KCNH5: variants seen among roughly 807,000 people sequenced by gnomAD.
The protein encoded by KCNH5 is potassium voltage-gated channel subfamily H member 5, also known as voltage-gated delayed rectifier potassium channel KCNH5.
KCNH5 carries 46 observed loss-of-function variants against 96.1 expected under a neutral mutation model. The ratio of observed to expected loss-of-function variants is 0.48; its 90% CI spans 0.38 to 0.61. KCNH5 has a LOEUF of 0.61. Among genes scored for constraint, KCNH5 ranks in the 20% least tolerant of loss-of-function variants. The pLI is 0.00. For synonymous variants in KCNH5, 439 were observed against 449.8 expected (o/e 0.98, Z 0.30); for missense variants, 907 against 1,225.8 (o/e 0.74, Z 3.88).
rs369966397 is a variant in KCNH5, at chr14:63,003,282, T to A, written c.305-1823A>T. On this transcript the variant is annotated intron_variant, in intron 3 of 10. Transcript: ENST00000322893. ...TATCTGCCAAGTATGTGGTGATAGA[T>A]CCTTCATATTCTGGATTTGGGGTTC... Among the ~76,000 whole-genome samples, 100 of 150,426 alleles carry A rather than the reference T, an allele frequency of 6.6e-4. 1 individual carries two copies. In the South Asian group the frequency reaches 0.02, roughly 31 times the overall value.
At chr14:62,851,261 G>A (rs1356958018) in intron 7 of KCNH5, among the ~76,000 whole-genome samples, 2 of 151,986 alleles carry the variant, frequency 1.3e-5, no homozygotes, top group African/African-American at 4.8e-5. Flanking sequence ...TTTCCCAAGT[G>A]AGTCTTTATA....
chr14:62,998,719 G>C (rs1278582940), intron 4 of KCNH5, among the ~76,000 whole-genome samples: 4 of 151,964 alleles, frequency 2.6e-5, no homozygotes, highest in East Asian at 1.9e-4. Flanking sequence ...GATTTGTTTA[G>C]AAACATGTTT....
chr14:62,767,118 A>C (rs558715044), intron 10 of KCNH5, among the ~76,000 whole-genome samples: 2 of 152,214 alleles, frequency 1.3e-5, no homozygotes, highest in African/African-American at 4.8e-5. Flanking sequence ...CAAAACTACA[A>C]TGAGATACCA....
intron 6 of KCNH5, among the ~76,000 whole-genome samples, chr14:62,963,045 C>T (rs1566723710): frequency 6.6e-6 from 1 of 152,122 alleles, no homozygotes; most frequent in Non-Finnish European, 1.5e-5. Flanking sequence ...ACAATGCCTA[C>T]ATCATTCACC....
chr14:62,903,586 T>G (rs1165234582), intron 7 of KCNH5, among the ~76,000 whole-genome samples: 2 of 152,190 alleles, frequency 1.3e-5, no homozygotes, highest in Non-Finnish European at 2.9e-5. Flanking sequence ...CGCATTCTCT[T>G]AGCCCGTGTA....
chr14:63,003,544 T>G (rs1451994124), intron 3 of KCNH5, among the ~76,000 whole-genome samples: 2 of 99,884 alleles, frequency 2.0e-5, no homozygotes, highest in East Asian at 6.5e-4. Context: ...TTATATATTA[T>G]ATATAGTATA....
At chr14:62,936,816 A>G (rs1374148920) in intron 7 of KCNH5, among the ~76,000 whole-genome samples, 1 of 151,848 alleles carries the variant, frequency 6.6e-6, no homozygotes, top group Non-Finnish European at 1.5e-5. Flanking sequence ...TCTTTACTAA[A>G]AATCCAAAAA....
chr14:62,961,768 G>A (rs1236115537), intron 6 of KCNH5, among the ~76,000 whole-genome samples: 2 of 152,130 alleles, frequency 1.3e-5, no homozygotes, highest in Admixed American at 6.6e-5. Context: ...AAATGGAGAT[G>A]GGGATGCTGA....
chr14:62,930,363 C>T (rs8019236), intron 7 of KCNH5, among the ~76,000 whole-genome samples: 86,314 of 151,952 alleles, frequency 0.57, 25,213 homozygotes, highest in South Asian at 0.69. Flanking sequence ...AAAAATTCCA[C>T]GTACCACAAC....
intron 6 of KCNH5, among the ~76,000 whole-genome samples, chr14:62,962,276 C>A (rs775758404): frequency 2.6e-5 from 4 of 152,256 alleles, no homozygotes; most frequent in Non-Finnish European, 4.4e-5. Flanking sequence ...CAGTGCCACA[C>A]GCGCCTGCCT....
At position 62,969,129 on chromosome 14, in the gene KCNH5, A is replaced by C. The variant is rs184599369; in HGVS notation, c.942+11743T>G. On this transcript the variant is annotated intron_variant, in intron 6 of 10. Transcript: ENST00000322893. The stretch of plus-strand genomic sequence containing the variant: ...AACAATATCTGAAAAATACCCAAAC[A>C]CTTGGAGATTAAATAACACACTTTT... Among the ~76,000 whole-genome samples, 372 of 152,358 alleles carry C rather than the reference A, an allele frequency of 2.4e-3. 3 individuals are homozygous for C. Among genetic ancestry groups the C allele is most frequent in the African/African-American group, 7.7e-3 (322 of 41,594 alleles).
intron 8 of KCNH5, among the ~76,000 whole-genome samples, chr14:62,848,622 T>C (rs1347296099): frequency 1.3e-5 from 2 of 152,196 alleles, no homozygotes; most frequent in Non-Finnish European, 2.9e-5. Flanking sequence ...CTGCCCTGGC[T>C]TAAAACAACT....
intron 7 of KCNH5, among the ~76,000 whole-genome samples, chr14:62,900,330 G>A (rs1888899736): frequency 6.6e-6 from 1 of 152,168 alleles, no homozygotes; most frequent in Non-Finnish European, 1.5e-5. Flanking sequence ...TGTATGTGGG[G>A]AAGTTTAATA....
chr14:62,906,484 G>C (rs866999044), intron 7 of KCNH5, among the ~76,000 whole-genome samples: 2 of 152,088 alleles, frequency 1.3e-5, no homozygotes, highest in Middle Eastern at 3.4e-3. Context: ...ATTTCACTTG[G>C]ATCAACACTA....
chr14:62,959,991 T>C (rs1447313051), intron 6 of KCNH5, among the ~76,000 whole-genome samples: 1 of 152,186 alleles, frequency 6.6e-6, no homozygotes, highest in Non-Finnish European at 1.5e-5. Flanking sequence ...CCCACTGTTC[T>C]AAAATCTGTT....
intron 10 of KCNH5, among the ~76,000 whole-genome samples, chr14:62,752,111 C>G (rs978432078): frequency 6.6e-6 from 1 of 152,142 alleles, no homozygotes; most frequent in Non-Finnish European, 1.5e-5. Flanking sequence ...GTCCTGATTG[C>G]CCCTTTGATA....
intron 9 of KCNH5, among the ~76,000 whole-genome samples, chr14:62,796,080 C>T (rs1486685139): frequency 6.6e-6 from 1 of 152,098 alleles, no homozygotes; most frequent in African/African-American, 2.4e-5. Context: ...AAAGCCAGAC[C>T]CAAATGGCCC....
intron 7 of KCNH5, among the ~76,000 whole-genome samples, chr14:62,883,185 A>C (rs1365873792): frequency 2.0e-5 from 3 of 152,212 alleles, no homozygotes; most frequent in Non-Finnish European, 2.9e-5. Context: ...CCACATCCTT[A>C]CTGTCCATTT....
chr14:63,001,368 C>A lies in KCNH5; in HGVS notation c.396G>T (p.Thr132=). Residue 132 remains threonine, a synonymous_variant, in exon 4 of 11, where the codon ACG becomes ACT. Transcript: ENST00000322893. The stretch of plus-strand genomic sequence containing the variant: ...CATCCTCTATTGGCTGTTTGAACAA[C>A]GTAATATCCTTGAAAGTACACAGGA... ...VLFLCTFKDI[T]LFKQPIEDDS... 6.2e-7 allele frequency: 1 copy of A among 1,612,024 alleles called. No individual in the cohort carries two copies. The highest frequency in any genetic ancestry group is 2.2e-5 in the East Asian group (1 of 44,758).
Sources: gnomAD v4.1 joint callset for allele counts (sites outside exome capture counted in the v4.1 genomes callset) on GRCh38, gnomAD v4.1.1 for gene constraint, MANE v1.5 for transcripts, NCBI Gene and HGNC (gene_info 2026-07-23, HGNC 2026-07-21) for gene names.